SOX5: variants seen among roughly 807,000 people sequenced by gnomAD.
SOX5 encodes transcription factor SOX-5.
In SOX5, 9 loss-of-function variants were observed where a neutral mutation model predicts 92.0. The ratio of observed to expected loss-of-function variants is 0.10; its 90% confidence interval spans 0.06 to 0.17. The LOEUF is 0.17. Ranked by LOEUF, SOX5 falls within the 10% of genes least tolerant of loss-of-function variation. The probability of loss-of-function intolerance (pLI) is 1.00; values close to 1 mark genes in which losing one functional copy is unlikely to be tolerated. For synonymous variants in SOX5, 344 were observed against 336.3 expected, an observed-to-expected ratio of 1.02 and a Z score of -0.25; for missense variants, 642 against 944.5, an observed-to-expected ratio of 0.68 and a Z score of 4.20.
intron 3 of SOX5, among the ~76,000 whole-genome samples, chr12:24,228,067 G>C (rs1332515073): frequency 6.6e-6 from 1 of 152,206 alleles, no homozygotes; most frequent in Non-Finnish European, 1.5e-5. Flanking sequence ...CTGACAAAGA[G>C]AAAGGCATAT....
chr12:24,024,656 A>G (rs1954678001), intron 4 of SOX5, among the ~76,000 whole-genome samples: 1 of 152,042 alleles, frequency 6.6e-6, no homozygotes, highest in African/African-American at 2.4e-5. Context: ...TTCAAACACT[A>G]ATTCCAAATT....
intron 1 of SOX5, among the ~76,000 whole-genome samples, chr12:24,533,782 T>C (rs1289307739): frequency 1.3e-5 from 2 of 152,218 alleles, no homozygotes; most frequent in African/African-American, 2.4e-5. Flanking sequence ...CAGAATATGA[T>C]GACAATATGT....
At chr12:24,561,910 GC>G (rs1269258074) in intron 1 of SOX5, among the ~76,000 whole-genome samples, 1 of 152,202 alleles carries the variant, frequency 6.6e-6, no homozygotes, top group African/African-American at 2.4e-5. Context: ...GCCCAGCACA[GC>G]CCAGGGTTCT....
At chr12:23,742,033 C>A (rs908466300) in intron 4 of SOX5, among the ~76,000 whole-genome samples, 1 of 152,080 alleles carries the variant, frequency 6.6e-6, no homozygotes, top group Non-Finnish European at 1.5e-5. Context: ...GGAGAGAACA[C>A]CCTCTTTAAT....
intron 6 of SOX5, among the ~76,000 whole-genome samples, chr12:23,733,237 T>A (rs947338608): frequency 2.6e-5 from 4 of 152,188 alleles, no homozygotes; most frequent in Non-Finnish European, 4.4e-5. Flanking sequence ...TAAAATCAAG[T>A]GACTACCACA....
At chr12:24,015,206 C>T (rs1003709291) in intron 4 of SOX5, among the ~76,000 whole-genome samples, 1 of 152,022 alleles carries the variant, frequency 6.6e-6, no homozygotes, top group African/African-American at 2.4e-5. Context: ...AAGCGAGTGT[C>T]GCCTAGGTAA....
intron 1 of SOX5, among the ~76,000 whole-genome samples, chr12:23,900,122 G>A (rs1406904817): frequency 6.6e-6 from 1 of 151,868 alleles, no homozygotes; most frequent in African/African-American, 2.4e-5. Context: ...ATAAATTTAG[G>A]GTTCAAGCTT....
chr12:23,828,955 G>T (rs997464505), intron 3 of SOX5, among the ~76,000 whole-genome samples: 1 of 152,022 alleles, frequency 6.6e-6, no homozygotes, highest in African/African-American at 2.4e-5. Context: ...GCTCCTTCAC[G>T]ATGCTGGCCA....
intron 1 of SOX5, among the ~76,000 whole-genome samples, chr12:24,376,669 A>C (rs1010980604): frequency 7.2e-6 from 1 of 139,558 alleles, no homozygotes; most frequent in Non-Finnish European, 1.5e-5. Context: ...AATTTTCAGA[A>C]TGATGCTATG....
intron 2 of SOX5, among the ~76,000 whole-genome samples, chr12:23,893,776 C>T (rs982421643): frequency 1.3e-5 from 2 of 152,232 alleles, no homozygotes; most frequent in Non-Finnish European, 2.9e-5. Context: ...CTTTCTTACA[C>T]TACTGACCTG....
rs990484908 is a variant in SOX5 at position 24,375,342 on chromosome 12, G to C, written c.-250-6703C>G. ...CTCCATCCTGCTCCTGGGCCTGAAC[G>C]GGGAAATGGAAAAACTAATAAACAA... On this transcript the variant is annotated intron_variant, in intron 1 of 4. Transcript: ENST00000446891. Among the ~76,000 whole-genome samples the C allele has an allele frequency of 2.6e-5, 4 of 152,008 alleles. No homozygotes were observed. The South Asian group carries it at 8.3e-4, about 31-fold the overall frequency.
chr12:24,506,418 A>AAAAGAG (rs1555328067), intron 1 of SOX5, among the ~76,000 whole-genome samples: 6 of 146,842 alleles, frequency 4.1e-5, no homozygotes, highest in Admixed American at 2.7e-4. Flanking sequence ...AAAAAAAAAA[A>AAAAGAG]AGAGAGAGAG....
At chr12:23,905,963 T>G (rs886597485) in intron 1 of SOX5, among the ~76,000 whole-genome samples, 19 of 152,170 alleles carry the variant, frequency 1.2e-4, no homozygotes, top group African/African-American at 4.6e-4. Context: ...TCACAGAGTC[T>G]CTCTAATCAT....
At chr12:24,439,843 C>G (rs1177681743) in intron 1 of SOX5, among the ~76,000 whole-genome samples, 2 of 151,986 alleles carry the variant, frequency 1.3e-5, no homozygotes, top group Non-Finnish European at 2.9e-5. Context: ...TGCAGCAAGC[C>G]AAGATTACAC....
Position 24,082,404 on chromosome 12 carries a change from G to GAAAA in SOX5, c.-2+130935_-2+130938dup, listed in dbSNP as rs58736325. ...TCACCAGGGCTGCTCCTTTCGAAAA[G>GAAAA]AAAAAAAAAAAAAAAAAAAAAAAAA... On this transcript the variant is annotated intron_variant, in intron 4 of 4. Transcript: ENST00000446891. Among the ~76,000 whole-genome samples, 611 of 73,496 alleles carry GAAAA rather than the reference G, an allele frequency of 8.3e-3. 51 individuals carry two copies. Among genetic ancestry groups the GAAAA allele is most frequent in the Middle Eastern group, 0.016 (1 of 64 alleles). 48.2% of individuals were successfully genotyped at this position (73,496 alleles called of 152,430 possible).
chr12:23,671,513 T>C (rs16926567), intron 6 of SOX5, among the ~76,000 whole-genome samples: 2,817 of 152,202 alleles, frequency 0.019, 99 homozygotes, highest in African/African-American at 0.064. Flanking sequence ...AGGCAGAATA[T>C]AATTACCCAA....
rs7970548 is a variant in SOX5 at position 23,982,447 on chromosome 12, G to A, written c.-1-86423C>T. ...TTACACAAATCTCCATTCGGAGAAT[G>A]TATGAGAGTGTCTAGAGATTCATTA... On this transcript the variant is annotated intron_variant, in intron 4 of 4. Transcript: ENST00000446891. 9.3e-3 allele frequency among the ~76,000 whole-genome samples: 1,413 copies of A among 152,222 alleles called. 38 individuals are homozygous for A. Among genetic ancestry groups the A allele is most frequent in the African/African-American group, 0.033 (1,354 of 41,556 alleles).
intron 4 of SOX5, among the ~76,000 whole-genome samples, chr12:23,967,364 C>T (rs1471639938): frequency 6.6e-6 from 1 of 151,860 alleles, no homozygotes; most frequent in South Asian, 2.1e-4. Context: ...ATTAAATATA[C>T]ACAAATAGAA....
intron 3 of SOX5, among the ~76,000 whole-genome samples, chr12:23,767,994 T>C (rs1406353876): frequency 6.6e-6 from 1 of 151,980 alleles, no homozygotes; most frequent in East Asian, 1.9e-4. Context: ...CAATAGCAGG[T>C]GGGGGTAGGG....
Sources: allele counts gnomAD v4.1 joint callset (sites outside exome capture counted in the v4.1 genomes callset), GRCh38; gene constraint gnomAD v4.1.1; transcripts MANE v1.5; gene names NCBI Gene and HGNC (gene_info 2026-07-23, HGNC 2026-07-21).